Variants in TPD52 observed in about 807,000 individuals in gnomAD.
TPD52 encodes the protein tumor protein D52.
A neutral mutation model predicts 31.3 loss-of-function variants in TPD52; 17 were observed. That is an observed-to-expected ratio of 0.54 (90% confidence interval 0.37 to 0.82). The LOEUF is 0.82. Ranked by LOEUF, TPD52 falls within the 40% of genes least tolerant of loss-of-function variation. The pLI is 0.00. For synonymous variants in TPD52, 83 were observed against 89.6 expected (o/e 0.93, Z 0.42); for missense variants, 212 against 240.1 (o/e 0.88, Z 0.77).
chr8:80,046,627 G>A (rs1024451556), intron 5 of TPD52, among the ~76,000 whole-genome samples: 7 of 151,782 alleles, frequency 4.6e-5, no homozygotes, highest in African/African-American at 1.2e-4. Flanking sequence ...TGTAAGAATC[G>A]GTTACCATCT....
chr8:80,095,258 G>A (rs1445517334), intron 1 of TPD52, among the ~76,000 whole-genome samples: 1 of 152,152 alleles, frequency 6.6e-6, no homozygotes, highest in Non-Finnish European at 1.5e-5. Flanking sequence ...ATTGACAAAA[G>A]CCAATCTGAA....
chr8:80,091,971 A>G (rs950437998), intron 1 of TPD52, among the ~76,000 whole-genome samples: 1 of 152,242 alleles, frequency 6.6e-6, no homozygotes, highest in Non-Finnish European at 1.5e-5. Flanking sequence ...AACTATATAC[A>G]TTTGAACATA....
intron 1 of TPD52, among the ~76,000 whole-genome samples, chr8:80,142,919 T>A (rs1257528066): frequency 6.6e-6 from 1 of 152,164 alleles, no homozygotes; most frequent in East Asian, 1.9e-4. Context: ...CATGTAAGGA[T>A]GCACACACTC....
chr8:80,062,589 G>T (rs1288834461), intron 2 of TPD52, among the ~76,000 whole-genome samples: 1 of 152,142 alleles, frequency 6.6e-6, no homozygotes, highest in Non-Finnish European at 1.5e-5. Flanking sequence ...AACAAATGTT[G>T]CCAGGGATGT....
At chr8:80,089,268 T>C (rs1266525870) in intron 1 of TPD52, among the ~76,000 whole-genome samples, 3 of 152,126 alleles carry the variant, frequency 2.0e-5, no homozygotes, top group African/African-American at 7.2e-5. Context: ...CTGGAGGACT[T>C]GGGTGACGGG....
intron 1 of TPD52, among the ~76,000 whole-genome samples, chr8:80,073,617 C>T (rs1038120126): frequency 1.3e-5 from 2 of 152,160 alleles, no homozygotes; most frequent in Non-Finnish European, 2.9e-5. Context: ...ACAGCAGATG[C>T]GTGTCAACAC....
At chr8:80,111,264 T>A (rs1447086708) in intron 1 of TPD52, among the ~76,000 whole-genome samples, 1 of 152,200 alleles carries the variant, frequency 6.6e-6, no homozygotes, top group Non-Finnish European at 1.5e-5. Flanking sequence ...CTTAAGTTTT[T>A]CTTTAACCAC....
chr8:80,064,162 C>A (rs569791782), intron 2 of TPD52, among the ~76,000 whole-genome samples: 1 of 152,246 alleles, frequency 6.6e-6, no homozygotes, highest in Admixed American at 6.5e-5. Context: ...GTCACTGATG[C>A]ACTGAAGAGC....
intron 1 of TPD52, chr8:80,158,868 C>T (rs1375069059): frequency 1.5e-5 from 2 of 137,512 alleles, no homozygotes; most frequent in Non-Finnish European, 3.1e-5. Flanking sequence ...GGCGTGAACC[C>T]GGGAGGCGGA....
intron 5 of TPD52, among the ~76,000 whole-genome samples, chr8:80,049,439 T>G (rs1177664773): frequency 6.6e-6 from 1 of 152,216 alleles, no homozygotes; most frequent in African/African-American, 2.4e-5. Flanking sequence ...AATTTTAGCT[T>G]TAAATAGTTC....
At position 80,074,525 on chromosome 8, in the gene TPD52, CG is replaced by C. The variant is rs376449465; in HGVS notation, c.20-9933del. 6.0e-3 allele frequency among the ~76,000 whole-genome samples: 916 copies of C among 152,336 alleles called. 6 individuals carry two copies. Among genetic ancestry groups the C allele is most frequent in the African/African-American group, 0.021 (876 of 41,568 alleles). On this transcript the variant is annotated intron_variant, in intron 1 of 7. Transcript: ENST00000518937. Reference sequence around the variant, plus strand: ...CAGGCACGGCACCACGGGCGTCATGCGGTGGATGACTGTGGCAGGGACTGCC... The same window carrying C: ...CAGGCACGGCACCACGGGCGTCATGCGTGGATGACTGTGGCAGGGACTGCC...
chr8:80,086,001 C>T (rs955788305), intron 1 of TPD52, among the ~76,000 whole-genome samples: 2 of 151,432 alleles, frequency 1.3e-5, no homozygotes, highest in African/African-American at 4.9e-5. Context: ...ACATAGTGTT[C>T]AGGCTTGGAA....
In TPD52 at chr8:80,036,283, T is replaced by C. The variant is rs1409168232; in HGVS notation, c.*1833A>G. 1 of 152,554 alleles carries C rather than the reference T, an allele frequency of 6.6e-6. No individual in the cohort carries two copies. The highest frequency in any genetic ancestry group is 1.5e-5 in the Non-Finnish European group (1 of 68,032). 9.5% of individuals were successfully genotyped at this position (152,554 alleles called of 1,614,324 possible). On this transcript the variant is annotated 3_prime_UTR_variant, in exon 8 of 8. Transcript: ENST00000518937. Reference sequence around the variant, plus strand: ...GCAGGGCAGGATGCTCAAGAAACAATGTGATCAAAAGAATATGTTTGAATT... The same window carrying C: ...GCAGGGCAGGATGCTCAAGAAACAACGTGATCAAAAGAATATGTTTGAATT...
chr8:80,065,796 T>G (rs1198936345), intron 1 of TPD52, among the ~76,000 whole-genome samples: 2 of 152,188 alleles, frequency 1.3e-5, no homozygotes, highest in Non-Finnish European at 2.9e-5. Flanking sequence ...TTCTTTTACA[T>G]TAATTTTTAA....
At chr8:80,154,484 C>T (rs1810792143) in intron 1 of TPD52, among the ~76,000 whole-genome samples, 1 of 152,168 alleles carries the variant, frequency 6.6e-6, no homozygotes, top group Admixed American at 6.5e-5. Flanking sequence ...TTCCCTCTCC[C>T]CTTAAGTGAT....
At chr8:80,105,858 A>C (rs990199006) in intron 1 of TPD52, among the ~76,000 whole-genome samples, 1 of 151,694 alleles carries the variant, frequency 6.6e-6, no homozygotes, top group African/African-American at 2.4e-5. Flanking sequence ...CAGCCTCCCA[A>C]GTAGCTGGGA....
downstream of TPD52, chr8:80,034,664 TAAG>T (rs2130292728): frequency 6.6e-6 from 1 of 152,098 alleles, no homozygotes; most frequent in South Asian, 2.1e-4. Context: ...AAATGGAAAA[TAAG>T]AACAGAGAAT....
intron 1 of TPD52, among the ~76,000 whole-genome samples, chr8:80,094,349 C>T (rs894901991): frequency 8.1e-5 from 12 of 148,090 alleles, no homozygotes; most frequent in East Asian, 4.0e-4. Flanking sequence ...CTTATTCTTA[C>T]GCAGGTAGCT....
At position 80,038,135 on chromosome 8, in the gene TPD52, T is replaced by C; in HGVS notation, c.605A>G (p.Lys202Arg). The change falls in exon 8 of 8, where the codon AAG becomes AGG. Residue 202 changes from lysine to arginine, a missense_variant. Lys to Arg is a conservative substitution (Grantham distance 26, BLOSUM62 2). Transcript: ENST00000518937. ...SATTTEPLPEKTQESL is the reference protein window; with the variant it reads ...SATTTEPLPERTQESL The stretch of plus-strand genomic sequence containing the variant: ...GGAATCTCACAGGCTCTCCTGTGTC[T>C]TTTCTGGAAGAGGCTCCGTGGTGGT... The C allele has an allele frequency of 6.2e-7, 1 of 1,614,090 alleles. No homozygotes were observed. The highest frequency in any genetic ancestry group is 8.5e-7 in the Non-Finnish European group (1 of 1,179,982).
Sources: gnomAD v4.1 joint callset for allele counts (sites outside exome capture counted in the v4.1 genomes callset) on GRCh38, gnomAD v4.1.1 for gene constraint, MANE v1.5 for transcripts, NCBI Gene and HGNC (gene_info 2026-07-23, HGNC 2026-07-21) for gene names.